CADPS: variants seen among roughly 807,000 people sequenced by gnomAD.
CADPS encodes calcium dependent secretion activator, also known as calcium-dependent secretion activator 1.
CADPS carries 57 observed loss-of-function variants against 167.3 expected under a neutral mutation model. The observed-to-expected ratio is 0.34, with a 90% CI of 0.28 to 0.42. CADPS has a LOEUF of 0.42. Ranked by LOEUF, CADPS falls within the 20% of genes least tolerant of loss-of-function variation. The pLI, the probability that CADPS is intolerant of heterozygous loss-of-function variation, is 1.00. For synonymous variants in CADPS, 676 were observed against 635.3 expected (o/e 1.06, Z -0.96); for missense variants, 1,414 against 1,738.1 (o/e 0.81, Z 3.32).
intron 3 of CADPS, among the ~76,000 whole-genome samples, chr3:62,672,148 T>C (rs996956126): frequency 6.6e-6 from 1 of 152,004 alleles, no homozygotes; most frequent in African/African-American, 2.4e-5. Flanking sequence ...TAAAATCCAG[T>C]GGTTCTCAAA....
intron 3 of CADPS, among the ~76,000 whole-genome samples, chr3:62,730,422 G>A (rs1246542012): frequency 6.6e-6 from 1 of 152,146 alleles, no homozygotes; most frequent in African/African-American, 2.4e-5. Flanking sequence ...GATTTGGGTA[G>A]TATTCTAGTC....
At chr3:62,661,971 G>A (rs571293836) in intron 4 of CADPS, among the ~76,000 whole-genome samples, 1 of 152,278 alleles carries the variant, frequency 6.6e-6, no homozygotes, top group Admixed American at 6.5e-5. Context: ...GTGTGGGGTG[G>A]GAGGAAGACA....
intron 8 of CADPS, among the ~76,000 whole-genome samples, chr3:62,583,198 T>C (rs1445856096): frequency 1.9e-4 from 29 of 151,918 alleles, no homozygotes; most frequent in Non-Finnish European, 1.5e-5. Flanking sequence ...TTTCTACGTC[T>C]GTTCTGCTCA....
intron 13 of CADPS, among the ~76,000 whole-genome samples, chr3:62,529,687 A>G (rs993284250): frequency 2.6e-5 from 4 of 152,246 alleles, no homozygotes; most frequent in Non-Finnish European, 5.9e-5. Context: ...ATACTGATTG[A>G]CAGCCTGCCA....
chr3:62,619,369 T>A (rs995868868), intron 6 of CADPS, among the ~76,000 whole-genome samples: 4 of 152,022 alleles, frequency 2.6e-5, no homozygotes, highest in African/African-American at 9.7e-5. Context: ...GCACACCTAT[T>A]TGAAATATTC....
Position 62,575,930 on chromosome 3 carries a change from A to G in CADPS, c.1578-4992T>C, listed in dbSNP as rs1395844086. Reference sequence around the variant, plus strand: ...ATTTATTGCTAATTTGGCACATACCAGAAGGTGTCAAAACCAAGAAAAACT... The same window carrying G: ...ATTTATTGCTAATTTGGCACATACCGGAAGGTGTCAAAACCAAGAAAAACT... On this transcript the variant is annotated intron_variant, in intron 8 of 29. Coordinates refer to ENST00000383710, the MANE Select transcript of CADPS (RefSeq NM_003716.4). 4.6e-5 allele frequency among the ~76,000 whole-genome samples: 7 copies of G among 152,212 alleles called. No homozygotes were observed. The East Asian group carries it at 1.2e-3, about 25-fold the overall frequency.
intron 3 of CADPS, among the ~76,000 whole-genome samples, chr3:62,675,800 TC>T (rs1212238426): frequency 7.2e-5 from 11 of 152,144 alleles, no homozygotes; most frequent in Admixed American, 6.6e-4. Context: ...ACCAGGCTAA[TC>T]CTCTGTGAAA....
chr3:62,704,555 T>C (rs1029225336), intron 3 of CADPS, among the ~76,000 whole-genome samples: 2 of 152,176 alleles, frequency 1.3e-5, no homozygotes, highest in African/African-American at 4.8e-5. Context: ...GTCTACCTTT[T>C]ACCTGGCTGG....
intron 3 of CADPS, among the ~76,000 whole-genome samples, chr3:62,724,859 C>T (rs1239878888): frequency 6.6e-6 from 1 of 152,218 alleles, no homozygotes; most frequent in East Asian, 1.9e-4. Flanking sequence ...GGCCCCTCAG[C>T]TATTCTCAGG....
chr3:62,753,576 C>G lies in CADPS; in HGVS notation c.753G>C (p.Pro251=). 1.2e-6 allele frequency: 2 copies of G among 1,614,146 alleles called. No homozygotes were observed. The highest frequency in any genetic ancestry group is 1.7e-6 in the Non-Finnish European group (2 of 1,180,038). The part of the protein sequence containing the change: ...FDAIYRGEED[P]RKQQARMTAS... ...CTGTCATCCGGGCCTGCTGCTTCCGCGGGTCCTCTTCTCCACGGTAGATGG... is the reference window on the plus strand; with the variant it reads ...CTGTCATCCGGGCCTGCTGCTTCCGGGGGTCCTCTTCTCCACGGTAGATGG... The change falls in exon 3 of 30, where the codon CCG becomes CCC. Residue 251 remains proline, a synonymous_variant. Transcript: ENST00000383710. This position sits in a 1 kb window ranked among gnomAD's most constrained non-coding sequence, Gnocchi z 4.6.
intron 10 of CADPS, among the ~76,000 whole-genome samples, chr3:62,553,861 T>C (rs2077690488): frequency 6.6e-6 from 1 of 152,162 alleles, no homozygotes; most frequent in Non-Finnish European, 1.5e-5. Flanking sequence ...TCCTGGGGAC[T>C]GAATCTGAAG....
chr3:62,821,869 T>C (rs2152935909), intron 1 of CADPS, among the ~76,000 whole-genome samples: 1 of 152,274 alleles, frequency 6.6e-6, no homozygotes, highest in East Asian at 1.9e-4. Context: ...GTGGAAGCTG[T>C]AGTGAAGAAT....
At chr3:62,687,344 G>C (rs2078235188) in intron 3 of CADPS, among the ~76,000 whole-genome samples, 1 of 152,096 alleles carries the variant, frequency 6.6e-6, no homozygotes, top group Non-Finnish European at 1.5e-5. Flanking sequence ...CAGGGAATTT[G>C]TGAAACAGTC....
rs1300328265 is a variant in CADPS, at chr3:62,510,057, T to G, written c.2599+2694A>C. On this transcript the variant is annotated intron_variant, in intron 17 of 29. Transcript: ENST00000383710. ...CACAGGGCCAAGGCCCATAGGTTCA[T>G]AGGTGGCTGCTCTCTTCTCTCTTTC... Among the ~76,000 whole-genome samples, 3 of 152,180 alleles carry G rather than the reference T, an allele frequency of 2.0e-5. No individual in the cohort carries two copies. In the East Asian group the frequency reaches 5.8e-4, roughly 29 times the overall value.
At chr3:62,822,475 T>C (rs1415327862) in intron 1 of CADPS, among the ~76,000 whole-genome samples, 3 of 152,160 alleles carry the variant, frequency 2.0e-5, no homozygotes, top group Admixed American at 6.5e-5. Flanking sequence ...GATGAATAGA[T>C]GGGAAAACGG....
At chr3:62,483,596 G>T (rs1276137387) in intron 21 of CADPS, among the ~76,000 whole-genome samples, 1 of 152,072 alleles carries the variant, frequency 6.6e-6, no homozygotes, top group Non-Finnish European at 1.5e-5. Flanking sequence ...CTCACATTTT[G>T]GGAAAGCCAA....
At chr3:62,822,301 C>G (rs1166756061) in intron 1 of CADPS, among the ~76,000 whole-genome samples, 2 of 152,146 alleles carry the variant, frequency 1.3e-5, no homozygotes, top group African/African-American at 4.8e-5. Context: ...TGATCTTTTT[C>G]ACCTTCCCTC....
At chr3:62,637,985 C>T (rs1273527435) in intron 6 of CADPS, among the ~76,000 whole-genome samples, 2 of 151,832 alleles carry the variant, frequency 1.3e-5, no homozygotes, top group Non-Finnish European at 2.9e-5. Context: ...ACCTTGTTTT[C>T]CCCCATGTCC....
At chr3:62,664,125 G>T (rs1400226807) in intron 3 of CADPS, among the ~76,000 whole-genome samples, 1 of 152,070 alleles carries the variant, frequency 6.6e-6, no homozygotes, top group Admixed American at 6.6e-5. Flanking sequence ...CCCTGCCTCA[G>T]CCTCCTGAGT....
Sources: allele counts gnomAD v4.1 joint callset (sites outside exome capture counted in the v4.1 genomes callset), GRCh38; gene constraint gnomAD v4.1.1; non-coding constraint Gnocchi (gnomAD v3.1); transcripts MANE v1.5; gene names NCBI Gene and HGNC (gene_info 2026-07-23, HGNC 2026-07-21).